The following DLGAP4 variants were observed in gnomAD, a reference collection of about 807,000 sequenced individuals.
DLGAP4 encodes the protein disks large-associated protein 4.
DLGAP4 carries 18 observed loss-of-function variants against 86.9 expected under a neutral mutation model. The ratio of observed to expected loss-of-function variants is 0.21; its 90% CI spans 0.14 to 0.31. DLGAP4 has a LOEUF of 0.31. Among genes scored for constraint, DLGAP4 ranks in the 10% least tolerant of loss-of-function variants. The probability of loss-of-function intolerance (pLI) is 1.00; values close to 1 mark genes in which losing one functional copy is unlikely to be tolerated. For missense variants in DLGAP4, 1,085 were observed against 1,362.6 expected, an observed-to-expected ratio of 0.80 and a Z score of 3.21; for synonymous variants, 548 against 574.3, an observed-to-expected ratio of 0.95 and a Z score of 0.65.
At chr20:36,418,845 A>T (rs2032741281) in intron 2 of DLGAP4, among the ~76,000 whole-genome samples, 1 of 143,826 alleles carries the variant, frequency 7.0e-6, no homozygotes, top group African/African-American at 2.6e-5. Flanking sequence ...GTTGAATATC[A>T]TGCTTTTCAG....
chr20:36,368,924 T>C (rs1024975023), intron 2 of DLGAP4, among the ~76,000 whole-genome samples: 4 of 152,162 alleles, frequency 2.6e-5, no homozygotes, highest in Admixed American at 2.0e-4. Context: ...ACAGCCAGCA[T>C]TTCCTGAAAA....
chr20:36,313,773 C>T (rs2065073204), intron 1 of DLGAP4, among the ~76,000 whole-genome samples: 1 of 152,138 alleles, frequency 6.6e-6, no homozygotes, highest in Non-Finnish European at 1.5e-5. Flanking sequence ...GGTAGTAGAG[C>T]TAGGATTTGA....
intron 1 of DLGAP4, among the ~76,000 whole-genome samples, chr20:36,363,273 G>C (rs1171339294): frequency 6.6e-6 from 1 of 152,200 alleles, no homozygotes; most frequent in Non-Finnish European, 1.5e-5. Context: ...GTGCAGGGCT[G>C]CCTGTGGCGT....
At chr20:36,312,076 A>G (rs1313144435) in intron 1 of DLGAP4, among the ~76,000 whole-genome samples, 5 of 152,090 alleles carry the variant, frequency 3.3e-5, no homozygotes, top group Non-Finnish European at 7.4e-5. Context: ...CACCTCCCCC[A>G]GCCCCGCCAG....
At chr20:36,330,697 C>T (rs897383849) in intron 1 of DLGAP4, among the ~76,000 whole-genome samples, 42 of 151,976 alleles carry the variant, frequency 2.8e-4, no homozygotes, top group Admixed American at 6.6e-4. Context: ...CTCAGCCTCC[C>T]GAGTAGCTGG....
chr20:36,433,493 C>T (rs143182131), intron 3 of DLGAP4, among the ~76,000 whole-genome samples: 5 of 152,324 alleles, frequency 3.3e-5, no homozygotes, highest in African/African-American at 1.2e-4. Context: ...GGGCTATGAA[C>T]TGAATGGCTC....
At chr20:36,439,956 G>T in intron 5 of DLGAP4, 88 bp downstream of exon 5, 1 of 1,164,724 alleles carries the variant, frequency 8.6e-7, no homozygotes, top group Admixed American at 2.0e-5. Flanking sequence ...CCCAGCCCAT[G>T]CTGAGTGGCC....
Position 36,315,426 on chromosome 20 carries a change from T to G in DLGAP4, c.-304+8914T>G, listed in dbSNP as rs987989242. ...GCCAGGAGCTTGGGATGAGGAACAG[T>G]CAAGGCTGGCTGCGTGGGCTTCATG... On this transcript the variant is annotated intron_variant, in intron 1 of 12. Coordinates refer to ENST00000339266, the MANE Select transcript of DLGAP4 (RefSeq NM_001365621.2). Among the ~76,000 whole-genome samples, 365 of 109,962 alleles carry G rather than the reference T, an allele frequency of 3.3e-3. 2 individuals carry two copies. The highest frequency in any genetic ancestry group is 4.5e-3 in the Non-Finnish European group (247 of 54,578). 72.1% of individuals were successfully genotyped at this position (109,962 alleles called of 152,430 possible). A position where few individuals can be genotyped will look rare whatever the true frequency, so the allele number is the denominator to read the frequency against.
intron 1 of DLGAP4, among the ~76,000 whole-genome samples, chr20:36,332,761 C>A (rs1303622533): frequency 6.6e-6 from 1 of 152,088 alleles, no homozygotes. Flanking sequence ...AGGATCAGAG[C>A]TGGGCCTGCC....
chr20:36,315,872 C>G (rs2065094728), intron 1 of DLGAP4, among the ~76,000 whole-genome samples: 2 of 152,214 alleles, frequency 1.3e-5, no homozygotes, highest in Admixed American at 1.3e-4. Flanking sequence ...CTGACCCCTG[C>G]CATCTCAGTC....
chr20:36,515,084 T>C (rs1048914345), intron 10 of DLGAP4, among the ~76,000 whole-genome samples: 1 of 152,118 alleles, frequency 6.6e-6, no homozygotes, highest in Non-Finnish European at 1.5e-5. Flanking sequence ...AGAACTGGAA[T>C]GTGGGAGGGA....
At position 36,461,441 on chromosome 20, in the gene DLGAP4, T is replaced by A. The variant is rs1156760160; in HGVS notation, c.1648+14504T>A. 21 of 839,954 alleles carry A rather than the reference T, an allele frequency of 2.5e-5. No individual in the cohort carries two copies. In the East Asian group the frequency reaches 4.7e-3, roughly 189 times the overall value. 52.0% of individuals were successfully genotyped at this position (839,954 alleles called of 1,614,324 possible). ...GGGAGGGGCGGGGCAGGTGCGGGACTTTAACCCGGAGCCCCGCCCCTCGGG... is the reference window on the plus strand; with the variant it reads ...GGGAGGGGCGGGGCAGGTGCGGGACATTAACCCGGAGCCCCGCCCCTCGGG... On this transcript the variant is annotated intron_variant, in intron 7 of 12. Coordinates refer to ENST00000339266, the MANE Select transcript of DLGAP4 (RefSeq NM_001365621.2).
At chr20:36,471,720 T>A (rs2034673417) in intron 7 of DLGAP4, among the ~76,000 whole-genome samples, 1 of 152,064 alleles carries the variant, frequency 6.6e-6, no homozygotes, top group Non-Finnish European at 1.5e-5. Flanking sequence ...CATGCCAGGG[T>A]CAGCAGAGAT....
chr20:36,397,436 G>C (rs549194642), intron 2 of DLGAP4, among the ~76,000 whole-genome samples: 1 of 152,282 alleles, frequency 6.6e-6, no homozygotes, highest in East Asian at 1.9e-4. Context: ...ATACTCCCCA[G>C]TGCCATAAGG....
chr20:36,518,700 G>A (rs896365923), intron 10 of DLGAP4, among the ~76,000 whole-genome samples: 2 of 152,048 alleles, frequency 1.3e-5, no homozygotes, highest in African/African-American at 4.8e-5. Context: ...ATGATCTGGT[G>A]GCTCATGCCT....
chr20:36,428,814 G>C (rs2033049273), intron 2 of DLGAP4, among the ~76,000 whole-genome samples: 1 of 152,262 alleles, frequency 6.6e-6, no homozygotes, highest in Non-Finnish European at 1.5e-5. Flanking sequence ...TCTCTCTGGA[G>C]GCTCTAGGGG....
intron 8 of DLGAP4, chr20:36,497,732 T>G: frequency 1.4e-6 from 1 of 694,140 alleles, no homozygotes. Flanking sequence ...AGGCCCTCCA[T>G]AGTCATGGCA....
chr20:36,510,020 C>T (rs1357328789), intron 10 of DLGAP4, among the ~76,000 whole-genome samples: 3 of 151,794 alleles, frequency 2.0e-5, no homozygotes, highest in Non-Finnish European at 4.4e-5. Flanking sequence ...CCACGCCCCA[C>T]TAATTTTGTA....
At chr20:36,525,215 T>TAAA (rs1241486978) in intron 11 of DLGAP4, among the ~76,000 whole-genome samples, 1 of 27,464 alleles carries the variant, frequency 3.6e-5, no homozygotes, top group African/African-American at 2.5e-4. Flanking sequence ...AGACTCCGTC[T>TAAA]CAAAAAAAAA....
Sources: gnomAD v4.1 joint callset for allele counts (sites outside exome capture counted in the v4.1 genomes callset) on GRCh38, gnomAD v4.1.1 for gene constraint, MANE v1.5 for transcripts, NCBI Gene and HGNC (gene_info 2026-07-23, HGNC 2026-07-21) for gene names.